The following FAM171B variants were observed in gnomAD, a reference collection of about 807,000 sequenced individuals.
FAM171B encodes family with sequence similarity 171 member B.
FAM171B carries 19 observed loss-of-function variants against 75.6 expected under a neutral mutation model. That is an observed-to-expected ratio of 0.25 (90% CI 0.18 to 0.37). The LOEUF is 0.37. Among genes scored for constraint, FAM171B ranks in the 10% least tolerant of loss-of-function variants. FAM171B has a pLI of 1.00. For synonymous variants in FAM171B, 367 were observed against 361.7 expected (o/e 1.01, Z -0.17); for missense variants, 848 against 982.4 (o/e 0.86, Z 1.83).
intron 1 of FAM171B, among the ~76,000 whole-genome samples, chr2:186,735,115 C>G (rs1690180061): frequency 6.6e-6 from 1 of 152,160 alleles, no homozygotes; most frequent in African/African-American, 2.4e-5. Context: ...CTCCCTCTGG[C>G]CTTGTGGATT....
chr2:186,699,498 G>A (rs1396501576), intron 1 of FAM171B, among the ~76,000 whole-genome samples: 1 of 152,060 alleles, frequency 6.6e-6, no homozygotes, highest in East Asian at 1.9e-4. Context: ...CTATTGAATT[G>A]TTTGAGTTCC....
intron 1 of FAM171B, among the ~76,000 whole-genome samples, chr2:186,738,293 C>T (rs1468588991): frequency 6.6e-6 from 1 of 151,934 alleles, no homozygotes; most frequent in Non-Finnish European, 1.5e-5. Flanking sequence ...AGGTTCTTGT[C>T]CCATGCCCAA....
At chr2:186,757,144 T>C (rs1690544398) in intron 6 of FAM171B, among the ~76,000 whole-genome samples, 2 of 152,132 alleles carry the variant, frequency 1.3e-5, no homozygotes, top group Non-Finnish European at 2.9e-5. Context: ...TCCTGGAGTA[T>C]GAGGGGTGGT....
intron 1 of FAM171B, among the ~76,000 whole-genome samples, chr2:186,700,545 T>A (rs1427264878): frequency 6.6e-6 from 1 of 152,216 alleles, no homozygotes; most frequent in Non-Finnish European, 1.5e-5. Context: ...TTTCCACAGA[T>A]TTTATTCATT....
At position 186,747,127 on chromosome 2, in the gene FAM171B, G is replaced by T. The variant is rs375501467; in HGVS notation, c.601G>T (p.Ala201Ser). 3 of 1,601,994 alleles carry T rather than the reference G, an allele frequency of 1.9e-6. No individual in the cohort carries two copies. The highest frequency in any genetic ancestry group is 2.6e-6 in the Non-Finnish European group (3 of 1,175,204). Reference protein sequence around the residue: ...KSQPSVQFSKALIKLPDNHHI... With the variant: ...KSQPSVQFSKSLIKLPDNHHI... Reference sequence around the variant, plus strand: ...TCAACCAAGTGTTCAGTTTTCAAAAGCCTTAATTAAACTTCCTGACAACCA... The same window carrying T: ...TCAACCAAGTGTTCAGTTTTCAAAATCCTTAATTAAACTTCCTGACAACCA... Residue 201 changes from alanine (A) to serine (S), a missense_variant, in exon 4 of 8, where the codon GCC (alanine) becomes TCC (serine). By Grantham distance (99) the Ala-to-Ser change is moderately conservative. Transcript: ENST00000304698.
At position 186,765,471 on chromosome 2, in the gene FAM171B, T is replaced by G. The variant is rs1690686125; in HGVS notation, c.*2648T>G. 1 of 152,044 alleles carries G rather than the reference T, an allele frequency of 6.6e-6. No individual in the cohort carries two copies. Among genetic ancestry groups the G allele is most frequent in the Admixed American group, 6.6e-5 (1 of 15,236 alleles). 9.4% of individuals were successfully genotyped at this position (152,044 alleles called of 1,614,324 possible). ...TGCAGTTGTATAGGGATTATGCCCT[T>G]TCAGTTCTATAGGGATTATGCCCTT... is the stretch of plus-strand genomic sequence containing the variant. On this transcript the variant is annotated 3_prime_UTR_variant, in exon 8 of 8. Transcript: ENST00000304698.
intron 1 of FAM171B, among the ~76,000 whole-genome samples, chr2:186,727,338 A>T (rs2105781110): frequency 6.6e-6 from 1 of 152,320 alleles, no homozygotes; most frequent in South Asian, 2.1e-4. Context: ...ATAGGTTAGG[A>T]TTTTGACAGG....
rs370077774 is a variant in FAM171B at position 186,710,893 on chromosome 2, C to T, written c.238+16482C>T. On this transcript the variant is annotated intron_variant, in intron 1 of 7. Coordinates refer to ENST00000304698, the MANE Select transcript of FAM171B (RefSeq NM_177454.4). ...CTCTATTACTGTCTTTACACACACA[C>T]ACACACATACACACAATATTGCAGA... Among the ~76,000 whole-genome samples, 18 of 152,120 alleles carry T rather than the reference C, an allele frequency of 1.2e-4. No individual in the cohort carries two copies. The East Asian group carries it at 2.7e-3, about 23-fold the overall frequency.
intron 1 of FAM171B, among the ~76,000 whole-genome samples, chr2:186,721,655 TC>T (rs536405697): frequency 2.4e-4 from 36 of 152,338 alleles, no homozygotes; most frequent in African/African-American, 8.2e-4. Context: ...CCTGTAATTT[TC>T]TTGGTACTAT....
chr2:186,694,258 G>T lies in FAM171B; in HGVS notation c.85G>T (p.Ala29Ser). 1 of 1,611,238 alleles carries T rather than the reference G, an allele frequency of 6.2e-7. No individual in the cohort carries two copies. Residue 29 changes from alanine (A) to serine (S), a missense_variant, in exon 1 of 8, where the codon GCC (alanine) becomes TCC (serine). Ala to Ser is a moderately conservative substitution (Grantham distance 99, BLOSUM62 1). Transcript: ENST00000304698. ...VLLKARLVPAAARAELSRSDL... is the reference protein window; with the variant it reads ...VLLKARLVPASARAELSRSDL... ...GCTGAAAGCGCGGCTGGTCCCCGCGGCCGCCAGAGCGGAACTCAGCCGCTC... is the reference window on the plus strand; with the variant it reads ...GCTGAAAGCGCGGCTGGTCCCCGCGTCCGCCAGAGCGGAACTCAGCCGCTC...
Position 186,737,345 on chromosome 2 carries a change from T to C in FAM171B, c.239-2883T>C, listed in dbSNP as rs537563401. Among the ~76,000 whole-genome samples the C allele has an allele frequency of 1.8e-4, 28 of 152,306 alleles. No homozygotes were observed. In the South Asian group the frequency reaches 5.8e-3, roughly 32 times the overall value. ...TTTAGTTTTCATTTTCCTCAACATA[T>C]GTTAGTTTCTTTTCTTTCTCTTTTT... On this transcript the variant is annotated intron_variant, in intron 1 of 7. Transcript: ENST00000304698.
At chr2:186,757,543 G>GT (rs1369327334) in intron 6 of FAM171B, among the ~76,000 whole-genome samples, 5 of 152,020 alleles carry the variant, frequency 3.3e-5, no homozygotes, top group African/African-American at 9.7e-5. Flanking sequence ...TGGTTAATTT[G>GT]TTTTTTAAAG....
At chr2:186,740,114 T>C (rs764765482) in intron 1 of FAM171B, 114 bp from the exon 2 acceptor site, 3 of 685,550 alleles carry the variant, frequency 4.4e-6, no homozygotes, top group Non-Finnish European at 7.3e-6. Context: ...GTGTAGTTCC[T>C]AAGTTTAACA....
At position 186,753,919 on chromosome 2, in the gene FAM171B, A is replaced by C. The variant is rs1690493400; in HGVS notation, c.896-14A>C. The C allele has an allele frequency of 1.2e-6, 2 of 1,600,450 alleles. No homozygotes were observed. The highest frequency in any genetic ancestry group is 4.5e-5 in the East Asian group (2 of 44,748). ...GATATAACTGTAACAAGTATTTTTTACATACCTTTTTAGGTGCTTGGGTAA... is the reference window on the plus strand; with the variant it reads ...GATATAACTGTAACAAGTATTTTTTCCATACCTTTTTAGGTGCTTGGGTAA... On this transcript the variant is annotated splice_polypyrimidine_tract_variant and intron_variant, in intron 5 of 7. Transcript: ENST00000304698.
intron 1 of FAM171B, among the ~76,000 whole-genome samples, chr2:186,720,680 T>C (rs1309491960): frequency 2.1e-5 from 3 of 144,164 alleles, no homozygotes; most frequent in African/African-American, 7.8e-5. Flanking sequence ...ATTTTCCAAA[T>C]TTTCTGTGTA....
At chr2:186,726,764 TA>T (rs773384383) in intron 1 of FAM171B, among the ~76,000 whole-genome samples, 18 of 152,180 alleles carry the variant, frequency 1.2e-4, no homozygotes, top group Non-Finnish European at 2.2e-4. Context: ...ATTTCCAGGT[TA>T]AATATTCTTA....
In FAM171B at chr2:186,761,903, G is replaced by A; in HGVS notation, c.1561G>A (p.Ala521Thr). The A allele has an allele frequency of 1.2e-6, 2 of 1,613,042 alleles. No homozygotes were observed. The highest frequency in any genetic ancestry group is 1.7e-6 in the Non-Finnish European group (2 of 1,179,652). ...GAGGTATCTCACAGGTAATGAGGAG[G>A]CGTATGGGCGTTCCCATATTCCTGA... is the stretch of plus-strand genomic sequence containing the variant. ...EKRYLTGNEE[A>T]YGRSHIPEQL... The change falls in exon 8 of 8, where the codon GCG (alanine) becomes ACG (threonine). Residue 521 changes from alanine to threonine, a missense_variant. By Grantham distance (58) the Ala-to-Thr change is moderately conservative (BLOSUM62 0). This residue lies in a region of FAM171B where 665 missense variants were observed against 729.0 expected (regional missense o/e 0.91). Coordinates refer to ENST00000304698, the MANE Select transcript of FAM171B (RefSeq NM_177454.4).
intron 1 of FAM171B, among the ~76,000 whole-genome samples, chr2:186,735,632 G>A (rs1467984395): frequency 6.6e-6 from 1 of 152,114 alleles, no homozygotes; most frequent in Non-Finnish European, 1.5e-5. Context: ...CTTAGCCCAG[G>A]AATAATTAAG....
Position 186,751,158 on chromosome 2 carries a change from C to A in FAM171B, c.749C>A (p.Pro250His). The change falls in exon 5 of 8, where the codon CCT becomes CAT. Residue 250 changes from proline (P) to histidine (H), a missense_variant. This residue lies in a region of FAM171B where 665 missense variants were observed against 729.0 expected (regional missense o/e 0.91). Coordinates refer to ENST00000304698, the MANE Select transcript of FAM171B (RefSeq NM_177454.4). ...KPGFENIELT[P>H]LAAICVKIYS... ...GGTTTTGAAAACATTGAATTGACTC[C>A]TCTTGCTGCAATATGTGTGAAAATA... is the stretch of plus-strand genomic sequence containing the variant. The A allele has an allele frequency of 6.2e-7, 1 of 1,605,232 alleles. No individual in the cohort carries two copies. The highest frequency in any genetic ancestry group is 8.5e-7 in the Non-Finnish European group (1 of 1,174,374).
Sources: allele counts gnomAD v4.1 joint callset (sites outside exome capture counted in the v4.1 genomes callset), GRCh38; gene constraint gnomAD v4.1.1; regional missense constraint gnomAD v4.1.1; transcripts MANE v1.5; gene names NCBI Gene and HGNC (gene_info 2026-07-23, HGNC 2026-07-21).